Variants in TIMP2 observed in about 807,000 individuals in gnomAD.
TIMP2 encodes TIMP metallopeptidase inhibitor 2.
In TIMP2, 5 loss-of-function variants were observed where a neutral mutation model predicts 24.3. The ratio of observed to expected loss-of-function variants is 0.21; its 90% CI spans 0.11 to 0.43. TIMP2 has a LOEUF of 0.43. Among genes scored for constraint, TIMP2 ranks in the 20% least tolerant of loss-of-function variants. The pLI is 1.00. For missense variants in TIMP2, 221 were observed against 297.5 expected (o/e 0.74, Z 1.89); for synonymous variants, 130 against 123.2 (o/e 1.06, Z -0.37).
chr17:78,915,386 G>A (rs1426393318), intron 1 of TIMP2, among the ~76,000 whole-genome samples: 1 of 152,138 alleles, frequency 6.6e-6, no homozygotes, highest in African/African-American at 2.4e-5. Flanking sequence ...TCCCTCCTCA[G>A]TGGCTCCATC....
At chr17:78,859,593 G>A (rs2069552496) in intron 3 of TIMP2, among the ~76,000 whole-genome samples, 1 of 152,048 alleles carries the variant, frequency 6.6e-6, no homozygotes, top group South Asian at 2.1e-4. Context: ...AACCCGGGAG[G>A]TGGAGGTTGC....
intron 1 of TIMP2, among the ~76,000 whole-genome samples, chr17:78,915,798 G>A (rs1393403548): frequency 6.6e-6 from 1 of 152,170 alleles, no homozygotes; most frequent in Non-Finnish European, 1.5e-5. Flanking sequence ...GGGATTCCAG[G>A]CATGATTCCA....
At chr17:78,917,264 A>G (rs1442518854) in intron 1 of TIMP2, among the ~76,000 whole-genome samples, 1 of 150,982 alleles carries the variant, frequency 6.6e-6, no homozygotes, top group Non-Finnish European at 1.5e-5. Flanking sequence ...AAAAAAAAAA[A>G]AAAAAAAATA....
Position 78,878,978 on chromosome 17 carries a change from G to A in TIMP2, c.131-5059C>T, listed in dbSNP as rs144030813. 1.0e-3 allele frequency among the ~76,000 whole-genome samples: 157 copies of A among 152,342 alleles called. 1 individual carries two copies. In the Middle Eastern group the frequency reaches 0.027, roughly 26 times the overall value. ...GCAACCTTCCCCAAAGCACCAGCAC[G>A]CCGCAGACATGAAGGAGAGGGGCCA... is the stretch of plus-strand genomic sequence containing the variant. On this transcript the variant is annotated intron_variant, in intron 1 of 4. Coordinates refer to ENST00000262768, the MANE Select transcript of TIMP2 (RefSeq NM_003255.5).
Position 78,871,082 on chromosome 17 carries a change from C to A in TIMP2, c.232-76G>T, listed in dbSNP as rs887126078. On this transcript the variant is annotated intron_variant, in intron 2 of 4. Transcript: ENST00000262768. ...GTGAATTCCGTTCCCATCCAGAACA[C>A]CCTGGGCGGCACAACCTGTAGCTGG... The A allele has an allele frequency of 4.0e-6, 5 of 1,254,444 alleles. No individual in the cohort carries two copies. In the Admixed American group the frequency reaches 7.4e-5, roughly 19 times the overall value. The allele number at this position is 1,254,444 out of a possible 1,614,324, so 77.7% of individuals were successfully genotyped here.
chr17:78,854,362 G>C lies in TIMP2; in HGVS notation c.*1305C>G, dbSNP rs1037576552. 2 of 151,826 alleles carry C rather than the reference G, an allele frequency of 1.3e-5. No individual in the cohort carries two copies. Among genetic ancestry groups the C allele is most frequent in the East Asian group, 3.9e-4 (2 of 5,138 alleles). 9.4% of individuals were successfully genotyped at this position (151,826 alleles called of 1,614,324 possible). ...ACTGAGGGAACACATAGGTTCCCTAGTTCCCTAGGAAGTTTCTTAGCTAGG... is the reference window on the plus strand; with the variant it reads ...ACTGAGGGAACACATAGGTTCCCTACTTCCCTAGGAAGTTTCTTAGCTAGG... On this transcript the variant is annotated 3_prime_UTR_variant, in exon 5 of 5. Coordinates refer to ENST00000262768, the MANE Select transcript of TIMP2 (RefSeq NM_003255.5).
At chr17:78,871,900 T>C (rs1247401057) in intron 2 of TIMP2, among the ~76,000 whole-genome samples, 3 of 151,914 alleles carry the variant, frequency 2.0e-5, no homozygotes, top group Non-Finnish European at 2.9e-5. Flanking sequence ...AACACCTCTG[T>C]TCCCTCACCC....
At chr17:78,870,567 G>C (rs1456757228) in intron 3 of TIMP2, among the ~76,000 whole-genome samples, 1 of 152,040 alleles carries the variant, frequency 6.6e-6, no homozygotes, top group Non-Finnish European at 1.5e-5. Context: ...CAGATGTTAC[G>C]CGAGCTTTTG....
chr17:78,901,743 G>A (rs113879522), intron 1 of TIMP2: 20,722 of 717,248 alleles, frequency 0.029, 447 homozygotes, highest in South Asian at 0.057. Context: ...TTGTCACCAC[G>A]AGAAGCACCT....
chr17:78,898,117 T>G (rs2070031809), intron 1 of TIMP2: 1 of 152,222 alleles, frequency 6.6e-6, no homozygotes, highest in Non-Finnish European at 1.5e-5. Flanking sequence ...GGAGCTGGGT[T>G]TGAATCCAGA....
chr17:78,880,163 C>T (rs920844697), intron 1 of TIMP2, among the ~76,000 whole-genome samples: 9 of 152,176 alleles, frequency 5.9e-5, no homozygotes, highest in Admixed American at 5.9e-4. Flanking sequence ...ACCACGCCAG[C>T]CCCAGGCAGA....
chr17:78,867,420 G>A (rs1334603863), intron 3 of TIMP2, among the ~76,000 whole-genome samples: 1 of 151,892 alleles, frequency 6.6e-6, no homozygotes, highest in African/African-American at 2.4e-5. Flanking sequence ...GGAAGGGAGG[G>A]AAGATCTTAC....
At chr17:78,858,144 CAAAG>C (rs779348507) in intron 3 of TIMP2, among the ~76,000 whole-genome samples, 30 of 151,416 alleles carry the variant, frequency 2.0e-4, no homozygotes, top group Non-Finnish European at 2.9e-4. Context: ...ACATTGGAAA[CAAAG>C]AAAAAACTTC....
At chr17:78,908,409 C>G (rs1465751423) in intron 1 of TIMP2, among the ~76,000 whole-genome samples, 5 of 152,192 alleles carry the variant, frequency 3.3e-5, no homozygotes, top group Non-Finnish European at 7.3e-5. Flanking sequence ...CCCTTCCATG[C>G]CTCTAAACTA....
intron 1 of TIMP2, among the ~76,000 whole-genome samples, chr17:78,905,616 G>A (rs1278691307): frequency 1.3e-5 from 2 of 152,258 alleles, no homozygotes; most frequent in African/African-American, 4.8e-5. Context: ...AGAATGTCCA[G>A]CACGACTGCC....
At chr17:78,914,537 C>T (rs2070238933) in intron 1 of TIMP2, among the ~76,000 whole-genome samples, 1 of 151,724 alleles carries the variant, frequency 6.6e-6, no homozygotes, top group Non-Finnish European at 1.5e-5. Flanking sequence ...CCCACCTTGG[C>T]CTCCCAAAGC....
At chr17:78,912,577 A>G (rs1449532848) in intron 1 of TIMP2, among the ~76,000 whole-genome samples, 1 of 152,226 alleles carries the variant, frequency 6.6e-6, no homozygotes, top group Admixed American at 6.5e-5. Flanking sequence ...AGGCGGGTGA[A>G]GGCATTGCAT....
In TIMP2 at chr17:78,866,390, AT is replaced by A. The variant is rs951798657; in HGVS notation, c.340+4507del. Among the ~76,000 whole-genome samples the A allele has an allele frequency of 3.4e-4, 51 of 149,062 alleles. No individual in the cohort carries two copies. In the East Asian group the frequency reaches 4.1e-3, roughly 12 times the overall value. ...TTGTCCCTCTACCCTTCTCCATTTGATTTTTTTTTTCTTATTGTAAAAATCA... is the reference window on the plus strand; with the variant it reads ...TTGTCCCTCTACCCTTCTCCATTTGATTTTTTTTTCTTATTGTAAAAATCA... On this transcript the variant is annotated intron_variant, in intron 3 of 4. Transcript: ENST00000262768.
At chr17:78,873,795 C>T (rs761032239) in intron 2 of TIMP2, 24 bp downstream of exon 2, 15 of 1,599,388 alleles carry the variant, frequency 9.4e-6, no homozygotes, top group South Asian at 2.2e-5. Context: ...CAGTGCAGCC[C>T]GGGATGCCGG....
Sources: allele counts gnomAD v4.1 joint callset (sites outside exome capture counted in the v4.1 genomes callset), GRCh38; gene constraint gnomAD v4.1.1; transcripts MANE v1.5; gene names NCBI Gene and HGNC (gene_info 2026-07-23, HGNC 2026-07-21).